Variants in IRAK1BP1 observed in about 807,000 individuals in gnomAD.
IRAK1BP1 encodes the protein interleukin 1 receptor associated kinase 1 binding protein 1.
IRAK1BP1 carries 24 observed loss-of-function variants against 28.0 expected under a neutral mutation model. The ratio of observed to expected loss-of-function variants is 0.86; its 90% CI spans 0.62 to 1.20. The LOEUF (loss-of-function observed/expected upper bound fraction) is 1.20. IRAK1BP1 is among the 50% of genes most tolerant of loss of function. The probability of loss-of-function intolerance (pLI) is 0.00; values close to 1 mark genes in which losing one functional copy is unlikely to be tolerated. For synonymous variants in IRAK1BP1, 131 were observed against 116.3 expected (o/e 1.13, Z -0.81); for missense variants, 336 against 316.7 (o/e 1.06, Z -0.46).
chr6:78,960,432 G>A, the IRAK1BP1 span, among the ~76,000 whole-genome samples: 25 of 150,874 alleles, frequency 1.7e-4, no homozygotes, highest in Non-Finnish European at 3.4e-4. Flanking sequence ...GGAGAAAGAG[G>A]AATATAGTTA....
At chr6:78,870,253 A>AAAAAG (rs1770750468) in intron 1 of IRAK1BP1, among the ~76,000 whole-genome samples, 1 of 152,030 alleles carries the variant, frequency 6.6e-6, no homozygotes, top group Non-Finnish European at 1.5e-5. Flanking sequence ...TCTCAAAAAA[A>AAAAAG]AAAAGAAAAG....
chr6:78,934,779 G>A (rs888383951), intron 4 of IRAK1BP1, among the ~76,000 whole-genome samples: 3 of 152,128 alleles, frequency 2.0e-5, no homozygotes, highest in Non-Finnish European at 4.4e-5. Flanking sequence ...TCTGAGATAC[G>A]ACTTTGCTGG....
chr6:78,912,174 C>T (rs1772444809), intron 4 of IRAK1BP1, among the ~76,000 whole-genome samples: 1 of 152,016 alleles, frequency 6.6e-6, no homozygotes, highest in Non-Finnish European at 1.5e-5. Context: ...AGAGGATTTC[C>T]TTTTTATTTT....
intron 4 of IRAK1BP1, chr6:78,939,777 A>G (rs950193579): frequency 6.6e-6 from 1 of 152,348 alleles, no homozygotes; most frequent in Non-Finnish European, 1.5e-5. Context: ...AACCACTTAA[A>G]CATTTCCTCT....
rs558495802 is a variant in IRAK1BP1 at position 78,899,488 on chromosome 6, G to A, written c.*1154G>A. 1.3e-4 allele frequency: 20 copies of A among 152,322 alleles called. No individual in the cohort carries two copies. The highest frequency in any genetic ancestry group is 4.6e-4 in the African/African-American group (19 of 41,584). The allele number at this position is 152,322 out of a possible 1,614,324, so 9.4% of individuals were successfully genotyped here. On this transcript the variant is annotated 3_prime_UTR_variant, in exon 4 of 4. Transcript: ENST00000369940. ...TGATGCCAAAAATAAAAGAGTTAATGTTTGGATCGGACTCCAACAGGGCTC... is the reference window on the plus strand; with the variant it reads ...TGATGCCAAAAATAAAAGAGTTAATATTTGGATCGGACTCCAACAGGGCTC...
At chr6:78,967,976 T>C in the IRAK1BP1 span, among the ~76,000 whole-genome samples, 3 of 150,210 alleles carry the variant, frequency 2.0e-5, no homozygotes, top group African/African-American at 7.4e-5. Flanking sequence ...CTACTAAAAA[T>C]ACAAAAAAAA....
chr6:78,912,957 G>A (rs1237400053), intron 4 of IRAK1BP1, among the ~76,000 whole-genome samples: 3 of 151,976 alleles, frequency 2.0e-5, no homozygotes, highest in Non-Finnish European at 4.4e-5. Context: ...AATTCATAAG[G>A]GATCTATAAG....
At chr6:78,955,553 T>C in the IRAK1BP1 span, 1 of 624,986 alleles carries the variant, frequency 1.6e-6, no homozygotes, top group Non-Finnish European at 2.8e-6. Flanking sequence ...AAAACTACAA[T>C]ATGTAAATTT....
chr6:78,946,879 G>A (rs200693117), downstream of IRAK1BP1: 768 of 1,533,800 alleles, frequency 5.0e-4, 1 homozygote, highest in Admixed American at 9.2e-4. Flanking sequence ...GTAAATCTGT[G>A]AGGGAAAAAA....
intron 4 of IRAK1BP1, among the ~76,000 whole-genome samples, chr6:78,933,809 T>C (rs1361889600): frequency 1.3e-5 from 2 of 152,074 alleles, no homozygotes; most frequent in Non-Finnish European, 2.9e-5. Flanking sequence ...CCACTGCACC[T>C]TTCTCCTTAT....
chr6:78,965,829 C>A, the IRAK1BP1 span: 4 of 1,185,700 alleles, frequency 3.4e-6, no homozygotes, highest in South Asian at 5.3e-5. Flanking sequence ...TTAATAAAAT[C>A]AATTATCAAA....
At chr6:78,915,931 C>T (rs192338757) in intron 4 of IRAK1BP1, among the ~76,000 whole-genome samples, 1 of 152,194 alleles carries the variant, frequency 6.6e-6, no homozygotes, top group East Asian at 1.9e-4. Flanking sequence ...GTTTTGTTAC[C>T]AGTCAAGGGT....
chr6:78,973,226 C>T, the IRAK1BP1 span, among the ~76,000 whole-genome samples: 1 of 151,940 alleles, frequency 6.6e-6, no homozygotes, highest in African/African-American at 2.4e-5. Flanking sequence ...CAATATTCAA[C>T]ATTCTTAAAG....
chr6:78,917,293 C>T (rs576732614), intron 4 of IRAK1BP1, among the ~76,000 whole-genome samples: 1 of 151,232 alleles, frequency 6.6e-6, no homozygotes, highest in African/African-American at 2.4e-5. Context: ...AAAGCTTTAT[C>T]AATAGACTAG....
chr6:78,893,316 A>ATG (rs1771744006), intron 2 of IRAK1BP1, among the ~76,000 whole-genome samples: 1 of 34,590 alleles, frequency 2.9e-5, no homozygotes, highest in Non-Finnish European at 5.9e-5. Context: ...GTGTGTGTGT[A>ATG]TATATATATA....
rs188707699 is a variant in IRAK1BP1 at position 78,917,871 on chromosome 6, G to T, written c.*67+14761G>T. On this transcript the variant is annotated intron_variant and NMD_transcript_variant, in intron 4 of 4. Coordinates refer to the IRAK1BP1 transcript ENST00000606868. ...TAAAATCTTTTCCAGACAAGCAAGTGCTAGGGGAATTTGTTACCACTAGGT... is the reference window on the plus strand; with the variant it reads ...TAAAATCTTTTCCAGACAAGCAAGTTCTAGGGGAATTTGTTACCACTAGGT... 3.8e-4 allele frequency among the ~76,000 whole-genome samples: 58 copies of T among 152,286 alleles called. 2 individuals carry two copies. In the South Asian group the frequency reaches 9.3e-3, roughly 24 times the overall value.
downstream of IRAK1BP1, chr6:78,946,902 C>G (rs768132572): frequency 6.0e-6 from 9 of 1,489,150 alleles, no homozygotes; most frequent in Non-Finnish European, 8.1e-6. Context: ...AAGTGTTCAA[C>G]CATTCCTTGG....
chr6:78,945,996 C>G, exon 5 of IRAK1BP1: 1 of 1,596,346 alleles, frequency 6.3e-7, no homozygotes, highest in South Asian at 1.1e-5. Flanking sequence ...GAAAGTGAGT[C>G]TTACTTGTTT....
intron 1 of IRAK1BP1, among the ~76,000 whole-genome samples, chr6:78,883,073 A>G (rs547393641): frequency 3.9e-5 from 6 of 152,142 alleles, no homozygotes; most frequent in Non-Finnish European, 7.3e-5. Flanking sequence ...CCTAGGCAAA[A>G]TAGCAAGATC....
Sources: gnomAD v4.1 joint callset for allele counts (sites outside exome capture counted in the v4.1 genomes callset) on GRCh38, gnomAD v4.1.1 for gene constraint, MANE v1.5 for transcripts, NCBI Gene and HGNC (gene_info 2026-07-23, HGNC 2026-07-21) for gene names.